The following EMX1 variants were observed in gnomAD, a reference collection of about 807,000 sequenced individuals.
The protein encoded by EMX1 is homeobox protein EMX1.
EMX1 carries 10 observed loss-of-function variants against 20.1 expected under a neutral mutation model. The ratio of observed to expected loss-of-function variants is 0.50; its 90% confidence interval spans 0.31 to 0.84. The LOEUF (loss-of-function observed/expected upper bound fraction) is 0.84, where lower values mean the gene tolerates loss of function less well. EMX1 is among the 40% of genes least tolerant of loss of function. EMX1 has a pLI of 0.05. For missense variants in EMX1, 424 were observed against 431.9 expected (o/e 0.98, Z 0.16); for synonymous variants, 250 against 200.4 (o/e 1.25, Z -2.09).
intron 1 of EMX1, among the ~76,000 whole-genome samples, chr2:72,920,679 G>A (rs890331800): frequency 2.0e-5 from 3 of 152,270 alleles, no homozygotes; most frequent in Non-Finnish European, 4.4e-5. Flanking sequence ...CGCAGCGCTT[G>A]GGCGGCGCGG....
At position 72,918,266 on chromosome 2, in the gene EMX1, C is replaced by T; in HGVS notation, c.414C>T (p.Ala138=). 6.3e-7 allele frequency: 1 copy of T among 1,577,718 alleles called. No homozygotes were observed. Among genetic ancestry groups the T allele is most frequent in the Non-Finnish European group, 8.5e-7 (1 of 1,172,484 alleles). The change falls in exon 1 of 3, where the codon GCC becomes GCT. Residue 138 remains alanine, a synonymous_variant. Coordinates refer to ENST00000258106, the MANE Select transcript of EMX1 (RefSeq NM_004097.3). ...LTVHPAHQLG[A]SPLQPPHSFF... Reference sequence around the variant, plus strand: ...TGCATCCGGCGCACCAGCTGGGCGCCTCCCCGCTGCAGCCCCCGCACTCCT... The same window carrying T: ...TGCATCCGGCGCACCAGCTGGGCGCTTCCCCGCTGCAGCCCCCGCACTCCT...
At position 72,918,157 on chromosome 2, in the gene EMX1, C is replaced by A; in HGVS notation, c.305C>A (p.Ala102Glu). 1 of 1,502,194 alleles carries A rather than the reference C, an allele frequency of 6.7e-7. No homozygotes were observed. Among genetic ancestry groups the A allele is most frequent in the South Asian group, 1.3e-5 (1 of 78,932 alleles). The allele number at this position is 1,502,194 out of a possible 1,614,324, so 93.1% of individuals were successfully genotyped here. A position where few individuals can be genotyped will look rare whatever the true frequency, so the allele number is the denominator to read the frequency against. The change falls in exon 1 of 3, where the codon GCG becomes GAG. Residue 102 changes from alanine to glutamate, a missense_variant. By Grantham distance (107) the Ala-to-Glu change is moderately radical. Transcript: ENST00000258106. ...EAAFVSGFPA[A>E]AAAGAGRSLY... Reference sequence around the variant, plus strand: ...GCCTTCGTGAGTGGCTTCCCTGCCGCGGCCGCCGCGGGCGCGGGCCGCTCG... The same window carrying A: ...GCCTTCGTGAGTGGCTTCCCTGCCGAGGCCGCCGCGGGCGCGGGCCGCTCG...
intron 1 of EMX1, among the ~76,000 whole-genome samples, chr2:72,920,395 G>A (rs1671080069): frequency 6.6e-6 from 1 of 152,202 alleles, no homozygotes; most frequent in Non-Finnish European, 1.5e-5. Context: ...CTGCATTTTC[G>A]GACCCGGAAA....
Position 72,918,122 on chromosome 2 carries a change from G to A in EMX1, c.270G>A (p.Ala90=). The A allele has an allele frequency of 3.4e-6, 5 of 1,481,944 alleles. No individual in the cohort carries two copies. The highest frequency in any genetic ancestry group is 1.3e-5 in the South Asian group (1 of 77,290). 91.8% of individuals were successfully genotyped at this position (1,481,944 alleles called of 1,614,324 possible). A position where few individuals can be genotyped will look rare whatever the true frequency, so the allele number is the denominator to read the frequency against. Residue 90 remains alanine (A), a synonymous_variant, in exon 1 of 3, where the codon GCG becomes GCA. Transcript: ENST00000258106. ...PTALNYPHPS[A]AEAAFVSGFP... ...CGCTCAACTACCCTCACCCCAGCGCGGCCGAGGCGGCCTTCGTGAGTGGCT... is the reference window on the plus strand; with the variant it reads ...CGCTCAACTACCCTCACCCCAGCGCAGCCGAGGCGGCCTTCGTGAGTGGCT...
chr2:72,923,686 A>G (rs1175204995), intron 1 of EMX1: 2 of 158,654 alleles, frequency 1.3e-5, no homozygotes, highest in African/African-American at 4.8e-5. Flanking sequence ...ATGAGTTAGT[A>G]GCCTGAGCAT....
At chr2:72,933,700 C>G in intron 2 of EMX1, 87 bp from the exon 3 acceptor site, 1 of 1,523,204 alleles carries the variant, frequency 6.6e-7, no homozygotes, top group Non-Finnish European at 8.9e-7. Flanking sequence ...CCATCAGGCT[C>G]TCAGCTCAGC....
chr2:72,920,588 C>A (rs559475405), intron 1 of EMX1, among the ~76,000 whole-genome samples: 106 of 152,356 alleles, frequency 7.0e-4, no homozygotes, highest in Middle Eastern at 6.8e-3. Context: ...AACCGGGTCT[C>A]AGCGATGCTC....
intron 1 of EMX1, among the ~76,000 whole-genome samples, chr2:72,921,265 G>A (rs1055863310): frequency 3.3e-5 from 5 of 152,186 alleles, no homozygotes; most frequent in Non-Finnish European, 7.4e-5. Flanking sequence ...GAGGAGAGGG[G>A]TATTCATTTC....
chr2:72,921,606 C>T (rs1285295325), intron 1 of EMX1, among the ~76,000 whole-genome samples: 2 of 152,202 alleles, frequency 1.3e-5, no homozygotes, highest in Non-Finnish European at 2.9e-5. Flanking sequence ...AACAGGGAAA[C>T]GTCCTTATTC....
At position 72,918,127 on chromosome 2, in the gene EMX1, A is replaced by G; in HGVS notation, c.275A>G (p.Glu92Gly). Residue 92 changes from glutamate to glycine, a missense_variant, in exon 1 of 3, where the codon GAG becomes GGG. Glu to Gly is a moderately conservative substitution (Grantham distance 98). This residue lies in a region of EMX1 where 333 missense variants were observed against 296.6 expected (regional missense o/e 1.12). Transcript: ENST00000258106. ...AACTACCCTCACCCCAGCGCGGCCG[A>G]GGCGGCCTTCGTGAGTGGCTTCCCT... is the stretch of plus-strand genomic sequence containing the variant. ...ALNYPHPSAA[E>G]AAFVSGFPAA... 6.7e-7 allele frequency: 1 copy of G among 1,485,820 alleles called. No homozygotes were observed. Among genetic ancestry groups the G allele is most frequent in the African/African-American group, 1.5e-5 (1 of 67,908 alleles). 92.0% of individuals were successfully genotyped at this position (1,485,820 alleles called of 1,614,324 possible).
rs1671336472 is a variant in EMX1, at chr2:72,934,669, C to A, written c.*715C>A. On this transcript the variant is annotated 3_prime_UTR_variant, in exon 3 of 3. Coordinates refer to ENST00000258106, the MANE Select transcript of EMX1 (RefSeq NM_004097.3). ...GTTCAATGGGAGAGGGAGAGTGCTTCCCTCTGCCTAGAGACTCTGGTGGCT... is the reference window on the plus strand; with the variant it reads ...GTTCAATGGGAGAGGGAGAGTGCTTACCTCTGCCTAGAGACTCTGGTGGCT... 6.6e-6 allele frequency: 1 copy of A among 152,150 alleles called. No individual in the cohort carries two copies. The highest frequency in any genetic ancestry group is 2.4e-5 in the African/African-American group (1 of 41,400). 9.4% of individuals were successfully genotyped at this position (152,150 alleles called of 1,614,324 possible).
chr2:72,920,653 AT>A (rs1407278992), intron 1 of EMX1, among the ~76,000 whole-genome samples: 1 of 152,230 alleles, frequency 6.6e-6, no homozygotes, highest in Non-Finnish European at 1.5e-5. Context: ...GAAAAGGAAC[AT>A]GTCTGCGCTC....
At chr2:72,917,081 C>G (rs1670977183), upstream of EMX1, 1 of 639,744 alleles carries the variant, frequency 1.6e-6, no homozygotes, top group South Asian at 1.8e-5. Flanking sequence ...GGGAGAGTCC[C>G]GGAGAGCAGG....
At chr2:72,916,310 C>G, upstream of EMX1, 1 of 280,310 alleles carries the variant, frequency 3.6e-6, no homozygotes, top group African/African-American at 2.3e-5. Context: ...GGAGGCCCAA[C>G]CCAGATCTGC....
chr2:72,926,300 CTGAT>C (rs1365129165), intron 2 of EMX1: 6 of 984,610 alleles, frequency 6.1e-6, no homozygotes, highest in Admixed American at 1.2e-4. Context: ...AGTAAACGGA[CTGAT>C]TGTTTCTTTC....
chr2:72,919,563 A>T lies in EMX1; in HGVS notation c.520+1191A>T, dbSNP rs1671064359. ...TTAGATGTTTGGCACAGTTGTTTAG[A>T]TAATAAAATGAAAATTATCTCTTGA... On this transcript the variant is annotated intron_variant, in intron 1 of 2. Coordinates refer to ENST00000258106, the MANE Select transcript of EMX1 (RefSeq NM_004097.3). Among the ~76,000 whole-genome samples, 2 of 152,192 alleles carry T rather than the reference A, an allele frequency of 1.3e-5. 1 individual carries two copies. Among genetic ancestry groups the T allele is most frequent in the South Asian group, 4.1e-4 (2 of 4,826 alleles).
intron 1 of EMX1, among the ~76,000 whole-genome samples, chr2:72,922,326 A>C (rs531808133): frequency 1.1e-4 from 17 of 152,180 alleles, no homozygotes; most frequent in African/African-American, 4.1e-4. Flanking sequence ...CAGAGACTTT[A>C]ATCTTCCTTA....
Position 72,918,152 on chromosome 2 carries a change from T to TGCC in EMX1, c.303_305dup (p.Ala105dup). 2 of 1,500,040 alleles carry TGCC rather than the reference T, an allele frequency of 1.3e-6. No homozygotes were observed. Among genetic ancestry groups the TGCC allele is most frequent in the Non-Finnish European group, 1.8e-6 (2 of 1,138,380 alleles). The allele number at this position is 1,500,040 out of a possible 1,614,324, so 92.9% of individuals were successfully genotyped here. On this transcript the variant is annotated inframe_insertion, in exon 1 of 3. Coordinates refer to ENST00000258106, the MANE Select transcript of EMX1 (RefSeq NM_004097.3). Reference sequence around the variant, plus strand: ...AGGCGGCCTTCGTGAGTGGCTTCCCTGCCGCGGCCGCCGCGGGCGCGGGCC... The same window carrying TGCC: ...AGGCGGCCTTCGTGAGTGGCTTCCCTGCCGCCGCGGCCGCCGCGGGCGCGGGCC...
intron 2 of EMX1, chr2:72,925,333 G>T: frequency 8.9e-7 from 1 of 1,121,398 alleles, no homozygotes; most frequent in Non-Finnish European, 1.1e-6. Flanking sequence ...AAAAATTAAA[G>T]AATTAGATGA....
Sources: gnomAD v4.1 joint callset for allele counts (sites outside exome capture counted in the v4.1 genomes callset) on GRCh38, gnomAD v4.1.1 for gene constraint, gnomAD v4.1.1 regional missense constraint, MANE v1.5 for transcripts, NCBI Gene and HGNC (gene_info 2026-07-23, HGNC 2026-07-21) for gene names.